GREB1L: variants seen among roughly 807,000 people sequenced by gnomAD.
GREB1L encodes the protein GREB1-like protein.
GREB1L carries 17 observed loss-of-function variants against 200.8 expected under a neutral mutation model. The observed-to-expected ratio is 0.08, with a 90% CI of 0.06 to 0.13. The LOEUF (loss-of-function observed/expected upper bound fraction) is 0.13, where lower values mean the gene tolerates loss of function less well. Ranked by LOEUF, GREB1L falls within the 10% of genes least tolerant of loss-of-function variation. The probability of loss-of-function intolerance (pLI) is 1.00; values close to 1 mark genes in which losing one functional copy is unlikely to be tolerated. For missense variants in GREB1L, 1,657 were observed against 2,367.7 expected (o/e 0.70, Z 6.23); for synonymous variants, 789 against 893.0 (o/e 0.88, Z 2.08).
At chr18:21,357,979 T>C (rs1445153375) in intron 1 of GREB1L, among the ~76,000 whole-genome samples, 1 of 152,218 alleles carries the variant, frequency 6.6e-6, no homozygotes, top group Non-Finnish European at 1.5e-5. Context: ...TTACGATTAT[T>C]TTTTCTATTT....
intron 12 of GREB1L, 91 bp downstream of exon 12, chr18:21,449,927 C>A: frequency 1.0e-6 from 1 of 954,382 alleles, no homozygotes; most frequent in Non-Finnish European, 1.5e-6. Context: ...CAGGCATCCA[C>A]ATAATCAACC....
chr18:21,482,616 T>G (rs1227945340), intron 17 of GREB1L, among the ~76,000 whole-genome samples: 1 of 148,912 alleles, frequency 6.7e-6, no homozygotes, highest in Non-Finnish European at 1.5e-5. Flanking sequence ...AAGATGCAGG[T>G]GAGCACACCA....
At chr18:21,443,091 A>G (rs558305079) in intron 10 of GREB1L, among the ~76,000 whole-genome samples, 20 of 151,890 alleles carry the variant, frequency 1.3e-4, no homozygotes, top group Admixed American at 9.8e-4. Flanking sequence ...TTTAGTAGAG[A>G]TGGGGTTTCA....
intron 5 of GREB1L, among the ~76,000 whole-genome samples, chr18:21,397,609 G>A (rs1350164515): frequency 6.6e-6 from 1 of 152,086 alleles, no homozygotes; most frequent in Non-Finnish European, 1.5e-5. Context: ...GCTGAGGCAG[G>A]AGAATAGCGT....
At chr18:21,248,852 G>A (rs1474542175) in intron 1 of GREB1L, among the ~76,000 whole-genome samples, 1 of 152,218 alleles carries the variant, frequency 6.6e-6, no homozygotes. Flanking sequence ...GCTGGTGGCT[G>A]CCATGTTGGA....
At chr18:21,261,654 G>A (rs1487644334) in intron 1 of GREB1L, among the ~76,000 whole-genome samples, 1 of 152,000 alleles carries the variant, frequency 6.6e-6, no homozygotes, top group Non-Finnish European at 1.5e-5. Flanking sequence ...AAGCGACACT[G>A]TAGCATGCCA....
At chr18:21,292,477 AC>A (rs1330619102) in intron 1 of GREB1L, among the ~76,000 whole-genome samples, 1 of 151,902 alleles carries the variant, frequency 6.6e-6, no homozygotes, top group African/African-American at 2.4e-5. Context: ...CATTTTCATC[AC>A]CCCCAAAAGA....
chr18:21,331,043 A>C (rs1473613243), intron 1 of GREB1L, among the ~76,000 whole-genome samples: 10 of 152,184 alleles, frequency 6.6e-5, no homozygotes, highest in Non-Finnish European at 1.2e-4. Flanking sequence ...ACATCAGGCT[A>C]TTTCATCTGC....
Position 21,423,151 on chromosome 18 carries a change from G to A in GREB1L, c.833-16370G>A, listed in dbSNP as rs1177055667. Among the ~76,000 whole-genome samples the A allele has an allele frequency of 2.0e-5, 3 of 152,126 alleles. No homozygotes were observed. In the East Asian group the frequency reaches 5.8e-4, roughly 29 times the overall value. On this transcript the variant is annotated intron_variant, in intron 7 of 32. Transcript: ENST00000424526. Reference sequence around the variant, plus strand: ...TCACCATGTTGGCCGGGCTCATCTCGAACTCCTGACCTTGTGATTTGCCCG... The same window carrying A: ...TCACCATGTTGGCCGGGCTCATCTCAAACTCCTGACCTTGTGATTTGCCCG...
intron 1 of GREB1L, among the ~76,000 whole-genome samples, chr18:21,283,870 TC>T (rs1043383253): frequency 1.3e-5 from 2 of 152,110 alleles, no homozygotes; most frequent in African/African-American, 4.8e-5. Flanking sequence ...ATGTGTGTTT[TC>T]CTATAATCTT....
chr18:21,501,793 T>G (rs1341195891), intron 23 of GREB1L, among the ~76,000 whole-genome samples: 3 of 152,192 alleles, frequency 2.0e-5, no homozygotes, highest in Non-Finnish European at 2.9e-5. Context: ...AGATGAAAAC[T>G]TCTATGTGTA....
chr18:21,267,809 T>TC (rs2144211415), intron 1 of GREB1L, among the ~76,000 whole-genome samples: 1 of 151,892 alleles, frequency 6.6e-6, no homozygotes, highest in East Asian at 1.9e-4. Flanking sequence ...CCAAGCTTTT[T>TC]TTTTTTTTTT....
At chr18:21,516,828 G>A in intron 30 of GREB1L, 74 bp downstream of exon 30, 1 of 1,343,554 alleles carries the variant, frequency 7.4e-7, no homozygotes, top group East Asian at 2.5e-5. Flanking sequence ...ATTAGATGTT[G>A]GCATTAAGCA....
intron 1 of GREB1L, among the ~76,000 whole-genome samples, chr18:21,334,347 A>G (rs1205468107): frequency 1.3e-5 from 2 of 152,166 alleles, no homozygotes; most frequent in African/African-American, 4.8e-5. Context: ...AAACTTTATT[A>G]TCAGTTCCAT....
intron 1 of GREB1L, among the ~76,000 whole-genome samples, chr18:21,253,234 A>G (rs1477585131): frequency 1.3e-5 from 2 of 151,690 alleles, no homozygotes; most frequent in African/African-American, 2.4e-5. Flanking sequence ...AATATAGAGA[A>G]AACATATTTC....
chr18:21,334,446 T>C (rs1363559096), intron 1 of GREB1L, among the ~76,000 whole-genome samples: 1 of 152,052 alleles, frequency 6.6e-6, no homozygotes, highest in African/African-American at 2.4e-5. Context: ...TCCAGGAAAA[T>C]AAAAGTCCAA....
intron 1 of GREB1L, among the ~76,000 whole-genome samples, chr18:21,282,820 G>T (rs1405979356): frequency 6.6e-6 from 1 of 152,088 alleles, no homozygotes; most frequent in Non-Finnish European, 1.5e-5. Flanking sequence ...GGCTGGTCTC[G>T]AACCCCTGAC....
intron 15 of GREB1L, among the ~76,000 whole-genome samples, chr18:21,460,357 A>G (rs1485027046): frequency 6.7e-6 from 1 of 150,318 alleles, no homozygotes; most frequent in Non-Finnish European, 1.5e-5. Flanking sequence ...TTGTTTGTTT[A>G]TTTTTGAGAC....
chr18:21,352,581 A>G (rs1261977197), intron 1 of GREB1L, among the ~76,000 whole-genome samples: 8 of 151,670 alleles, frequency 5.3e-5, no homozygotes, highest in African/African-American at 1.7e-4. Context: ...TTGCAGGTGC[A>G]TGCCACCATG....
Sources: allele counts gnomAD v4.1 joint callset (sites outside exome capture counted in the v4.1 genomes callset), GRCh38; gene constraint gnomAD v4.1.1; transcripts MANE v1.5; gene names NCBI Gene and HGNC (gene_info 2026-07-23, HGNC 2026-07-21).